The following UGT3A1 variants were observed in gnomAD, a reference collection of about 807,000 sequenced individuals.
The protein encoded by UGT3A1 is UDP-glycosyltransferase 3A1.
In UGT3A1, 40 loss-of-function variants were observed where a neutral mutation model predicts 37.6. The ratio of observed to expected loss-of-function variants is 1.06; its 90% CI spans 0.83 to 1.38. UGT3A1 has a LOEUF of 1.38. UGT3A1 is among the 40% of genes most tolerant of loss of function. UGT3A1 has a pLI of 0.00. For synonymous variants in UGT3A1, 256 were observed against 232.3 expected, an observed-to-expected ratio of 1.10 and a Z score of -0.93; for missense variants, 642 against 634.2, an observed-to-expected ratio of 1.01 and a Z score of -0.13.
rs1169258748 is a variant in UGT3A1, at chr5:35,955,677, T to C, written c.1263A>G (p.Thr421=). The C allele has an allele frequency of 6.2e-7, 1 of 1,614,218 alleles. No individual in the cohort carries two copies. Among genetic ancestry groups the C allele is most frequent in the Admixed American group, 1.7e-5 (1 of 60,026 alleles). The change falls in exon 6 of 7, where the codon ACA becomes ACG. Residue 421 remains threonine (T), a synonymous_variant. Transcript: ENST00000274278. The stretch of plus-strand genomic sequence containing the variant: ...CTTCTATGACTTGTTTCATTGTAAG[T>C]GTCAGTGTGTCGGCTGTGACCTGAT... ...RLNQVTADTL[T]LTMKQVIEDK...
chr5:35,968,729 A>T (rs1196354007), intron 2 of UGT3A1, among the ~76,000 whole-genome samples: 1 of 151,734 alleles, frequency 6.6e-6, no homozygotes, highest in Non-Finnish European at 1.5e-5. Flanking sequence ...ACTCCTTTCC[A>T]GCCCCAGCTC....
In UGT3A1 at chr5:35,955,853, T is replaced by C. The variant is rs756835981; in HGVS notation, c.1087A>G (p.Ile363Val). ...PQSDLLAHPS[I>V]RLFVTHGGQN... is the part of the protein sequence containing the mutation. ...CCACCATGAGTGACAAAAAGACGGA[T>C]GCTGGGGTGAGCTGTGGCAAATAAG... The change falls in exon 6 of 7, where the codon ATC (isoleucine) becomes GTC (valine). Residue 363 changes from isoleucine (I) to valine (V), a missense_variant. Ile to Val is a conservative substitution (Grantham distance 29, BLOSUM62 3). Coordinates refer to ENST00000274278, the MANE Select transcript of UGT3A1 (RefSeq NM_152404.4). The C allele has an allele frequency of 6.2e-7, 1 of 1,614,142 alleles. No homozygotes were observed. The highest frequency in any genetic ancestry group is 1.7e-5 in the Admixed American group (1 of 60,026).
At chr5:35,957,813 T>C (rs974591036) in intron 4 of UGT3A1, among the ~76,000 whole-genome samples, 1 of 152,248 alleles carries the variant, frequency 6.6e-6, no homozygotes, top group Non-Finnish European at 1.5e-5. Flanking sequence ...GGGAATATTC[T>C]GTGTGCATTT....
At chr5:35,957,800 T>C (rs1178949410) in intron 4 of UGT3A1, among the ~76,000 whole-genome samples, 1 of 152,228 alleles carries the variant, frequency 6.6e-6, no homozygotes, top group Non-Finnish European at 1.5e-5. Flanking sequence ...ACGGACTATC[T>C]TGGGGAATAT....
At chr5:35,990,362 C>G (rs1191009376) in intron 1 of UGT3A1, among the ~76,000 whole-genome samples, 1 of 151,996 alleles carries the variant, frequency 6.6e-6, no homozygotes, top group Non-Finnish European at 1.5e-5. Context: ...CTTTAGCGCC[C>G]ACTACGGATT....
At chr5:35,980,981 C>T (rs1740498971) in intron 2 of UGT3A1, among the ~76,000 whole-genome samples, 3 of 152,066 alleles carry the variant, frequency 2.0e-5, no homozygotes, top group Admixed American at 6.5e-5. Context: ...TAAAAAAAGT[C>T]AAAACTGACC....
chr5:35,977,579 C>T (rs1024636771), intron 2 of UGT3A1, among the ~76,000 whole-genome samples: 1 of 152,178 alleles, frequency 6.6e-6, no homozygotes, highest in Non-Finnish European at 1.5e-5. Flanking sequence ...ATGTGACTAG[C>T]CAGCTCCCCC....
intron 5 of UGT3A1, 35 bp from the exon 6 acceptor site, chr5:35,955,899 G>C (rs906189804): frequency 6.3e-7 from 1 of 1,599,406 alleles, no homozygotes; most frequent in African/African-American, 1.3e-5. Context: ...GAACACTTCA[G>C]GATGAAAAAT....
chr5:35,958,920 C>T (rs553622629), intron 4 of UGT3A1, among the ~76,000 whole-genome samples: 1 of 152,296 alleles, frequency 6.6e-6, no homozygotes, highest in South Asian at 2.1e-4. Flanking sequence ...AGATTTCAAG[C>T]TGACAGAAGT....
chr5:35,967,859 C>T (rs914453766), intron 3 of UGT3A1, among the ~76,000 whole-genome samples, 160 bp downstream of exon 3: 2 of 152,176 alleles, frequency 1.3e-5, no homozygotes, highest in Non-Finnish European at 2.9e-5. Context: ...AACTGTCCAT[C>T]CATCTATCCA....
At position 35,991,229 on chromosome 5, in the gene UGT3A1, C is replaced by T. The variant is rs778596079; in HGVS notation, c.12G>A (p.Gln4=). MVG[Q]RVLLLVAFLL... ...GGAAGGCCACTAGAAGCAGCACCCG[C>T]TGCCCAACCATGCTCACTTCCACAG... The change falls in exon 1 of 7, where the codon CAG becomes CAA. Residue 4 remains glutamine (Q), a synonymous_variant. Coordinates refer to ENST00000274278, the MANE Select transcript of UGT3A1 (RefSeq NM_152404.4). 6.2e-7 allele frequency: 1 copy of T among 1,614,252 alleles called. No individual in the cohort carries two copies. Among genetic ancestry groups the T allele is most frequent in the South Asian group, 1.1e-5 (1 of 91,088 alleles).
chr5:35,993,853 G>T (rs763228048), upstream of UGT3A1, among the ~76,000 whole-genome samples: 3 of 152,066 alleles, frequency 2.0e-5, no homozygotes, highest in Non-Finnish European at 4.4e-5. Flanking sequence ...AGGGATCCCT[G>T]ATCTTCCAAA....
intron 4 of UGT3A1, among the ~76,000 whole-genome samples, chr5:35,959,719 T>C (rs991973184): frequency 2.0e-5 from 3 of 151,270 alleles, no homozygotes; most frequent in African/African-American, 7.3e-5. Context: ...CGAGAGAAAA[T>C]GAAAGGGAAA....
chr5:35,968,271 T>A, intron 2 of UGT3A1, 138 bp from the exon 3 acceptor site: 1 of 602,612 alleles, frequency 1.7e-6, no homozygotes, highest in Non-Finnish European at 2.8e-6. Context: ...TTTGGTTTTG[T>A]TTTTCTTTTT....
At chr5:35,991,865 T>G (rs933581259), upstream of UGT3A1, among the ~76,000 whole-genome samples, 4 of 152,194 alleles carry the variant, frequency 2.6e-5, no homozygotes, top group African/African-American at 9.7e-5. Flanking sequence ...GTTCTAATTC[T>G]GAAAGTCACT....
intron 3 of UGT3A1, 85 bp downstream of exon 3, chr5:35,967,934 A>T: frequency 9.4e-7 from 1 of 1,062,258 alleles, no homozygotes. Context: ...TTTCTCTAAA[A>T]CTCACTCCAA....
rs78651831 is a variant in UGT3A1, at chr5:35,975,521, G to A, written c.197-7388C>T. On this transcript the variant is annotated intron_variant, in intron 2 of 6. Transcript: ENST00000274278. Reference sequence around the variant, plus strand: ...ACAAAATGCTTTATCTACTGATGTGGAATTCTACACAGCATTGACTCTGAC... The same window carrying A: ...ACAAAATGCTTTATCTACTGATGTGAAATTCTACACAGCATTGACTCTGAC... Among the ~76,000 whole-genome samples the A allele has an allele frequency of 9.2e-3, 1,404 of 152,280 alleles. 20 individuals carry two copies. Among genetic ancestry groups the A allele is most frequent in the African/African-American group, 0.032 (1,337 of 41,548 alleles).
Position 35,952,595 on chromosome 5 carries a change from C to T in UGT3A1, c.*1607G>A, listed in dbSNP as rs1170681646. On this transcript the variant is annotated 3_prime_UTR_variant, in exon 7 of 7. Transcript: ENST00000274278. ...CTGGGGTGAGGGGGGAGTTACTGGC[C>T]AGGGAGGCTTATCCCTAAGACCTTA... 1 of 152,108 alleles carries T rather than the reference C, an allele frequency of 6.6e-6. No homozygotes were observed. The highest frequency in any genetic ancestry group is 1.5e-5 in the Non-Finnish European group (1 of 68,048). The allele number at this position is 152,108 out of a possible 1,614,324, so 9.4% of individuals were successfully genotyped here.
chr5:35,959,962 G>C (rs1302297983), intron 4 of UGT3A1, among the ~76,000 whole-genome samples: 2 of 151,838 alleles, frequency 1.3e-5, no homozygotes. Context: ...TAATATCAGA[G>C]AGAATAAAAT....
Sources: allele counts gnomAD v4.1 joint callset (sites outside exome capture counted in the v4.1 genomes callset), GRCh38; gene constraint gnomAD v4.1.1; transcripts MANE v1.5; gene names NCBI Gene and HGNC (gene_info 2026-07-23, HGNC 2026-07-21).